Variants in PHACTR1 observed in about 807,000 individuals in gnomAD.
The protein encoded by PHACTR1 is RPEL repeat containing 1.
PHACTR1 carries 16 observed loss-of-function variants against 69.2 expected under a neutral mutation model. The ratio of observed to expected loss-of-function variants is 0.23; its 90% confidence interval spans 0.16 to 0.35. PHACTR1 has a LOEUF of 0.35. PHACTR1 is among the 10% of genes least tolerant of loss of function. The probability of loss-of-function intolerance (pLI) is 1.00; values close to 1 mark genes in which losing one functional copy is unlikely to be tolerated. For synonymous variants in PHACTR1, 312 were observed against 284.5 expected, an observed-to-expected ratio of 1.10 and a Z score of -0.97; for missense variants, 510 against 734.7, an observed-to-expected ratio of 0.69 and a Z score of 3.54.
chr6:13,169,514 G>A (rs1364109038), intron 6 of PHACTR1, among the ~76,000 whole-genome samples: 1 of 152,052 alleles, frequency 6.6e-6, no homozygotes, highest in Non-Finnish European at 1.5e-5. Context: ...TGTTTGGGGA[G>A]TAAAAAAATG....
At chr6:13,114,753 T>C (rs1817559134) in intron 5 of PHACTR1, among the ~76,000 whole-genome samples, 1 of 152,110 alleles carries the variant, frequency 6.6e-6, no homozygotes, top group Non-Finnish European at 1.5e-5. Flanking sequence ...CAGCATACAC[T>C]ACATGGGAGA....
chr6:12,741,650 A>G (rs1765061636), intron 3 of PHACTR1, among the ~76,000 whole-genome samples: 1 of 151,786 alleles, frequency 6.6e-6, no homozygotes, highest in Non-Finnish European at 1.5e-5. Flanking sequence ...CTATGTCTTT[A>G]TAATAAGTCT....
At chr6:13,205,703 C>A in intron 7 of PHACTR1, 112 bp from the exon 8 acceptor site, 1 of 1,027,558 alleles carries the variant, frequency 9.7e-7, no homozygotes, top group Non-Finnish European at 1.4e-6. Flanking sequence ...ACGCATTTTA[C>A]CTAAGAGGCT....
At chr6:13,161,916 A>C (rs565748563) in intron 6 of PHACTR1, among the ~76,000 whole-genome samples, 138 of 151,928 alleles carry the variant, frequency 9.1e-4, no homozygotes, top group Non-Finnish European at 1.6e-3. Flanking sequence ...CATTATCAGA[A>C]CCTCCTGGGG....
At chr6:13,042,331 C>G (rs1166244767) in intron 4 of PHACTR1, among the ~76,000 whole-genome samples, 1 of 152,166 alleles carries the variant, frequency 6.6e-6, no homozygotes, top group Admixed American at 6.5e-5. Context: ...GCAGGCAGCA[C>G]TGAAGTATGA....
intron 4 of PHACTR1, among the ~76,000 whole-genome samples, chr6:13,007,623 T>C (rs2127637845): frequency 6.6e-6 from 1 of 151,356 alleles, no homozygotes; most frequent in Non-Finnish European, 1.5e-5. Flanking sequence ...ACAACGATGA[T>C]ATTCACTCTG....
At chr6:13,085,936 A>C (rs913913031) in intron 5 of PHACTR1, among the ~76,000 whole-genome samples, 1 of 151,952 alleles carries the variant, frequency 6.6e-6, no homozygotes, top group East Asian at 1.9e-4. Context: ...AAAAGAAGAA[A>C]GATTGAAAAG....
intron 6 of PHACTR1, among the ~76,000 whole-genome samples, chr6:13,177,624 C>A (rs1043249066): frequency 7.2e-5 from 11 of 152,158 alleles, no homozygotes; most frequent in Admixed American, 6.5e-4. Flanking sequence ...TGTAATTGAA[C>A]AGAAGTTGAT....
intron 4 of PHACTR1, among the ~76,000 whole-genome samples, chr6:12,915,596 G>A (rs1786901140): frequency 6.6e-6 from 1 of 150,656 alleles, no homozygotes; most frequent in Non-Finnish European, 1.5e-5. Context: ...GGACATAGTA[G>A]AAGAGAAATG....
chr6:13,115,130 A>G (rs1428715101), intron 5 of PHACTR1, among the ~76,000 whole-genome samples: 1 of 152,216 alleles, frequency 6.6e-6, no homozygotes, highest in Non-Finnish European at 1.5e-5. Flanking sequence ...TTTATAGATA[A>G]GAGAACTGTA....
At chr6:12,747,944 C>G (rs909622056) in intron 3 of PHACTR1, among the ~76,000 whole-genome samples, 4 of 152,060 alleles carry the variant, frequency 2.6e-5, no homozygotes, top group African/African-American at 9.7e-5. Context: ...AATTAGAAAT[C>G]AGATTAGGGA....
At chr6:13,008,522 A>G (rs1258437662) in intron 4 of PHACTR1, among the ~76,000 whole-genome samples, 2 of 152,214 alleles carry the variant, frequency 1.3e-5, no homozygotes, top group African/African-American at 2.4e-5. Context: ...CAAATATGAG[A>G]CAGCCTGGAA....
Position 13,185,982 on chromosome 6 carries a change from CT to C in PHACTR1, c.664+3297del, listed in dbSNP as rs556627424. On this transcript the variant is annotated intron_variant, in intron 7 of 14. Transcript: ENST00000332995. The stretch of plus-strand genomic sequence containing the variant: ...CTATATTTCTCAACTCCGAGTTCAG[CT>C]AATGTTGTTTCCAGAGCAGGCTGTC... Among the ~76,000 whole-genome samples the C allele has an allele frequency of 4.7e-3, 721 of 152,262 alleles. 3 individuals are homozygous for C. Among genetic ancestry groups the C allele is most frequent in the African/African-American group, 0.016 (682 of 41,560 alleles).
intron 5 of PHACTR1, among the ~76,000 whole-genome samples, chr6:13,066,328 A>G (rs1289935088): frequency 6.6e-6 from 1 of 152,222 alleles, no homozygotes; most frequent in Non-Finnish European, 1.5e-5. Flanking sequence ...TCAGTAAGAC[A>G]GCCAGCCAGA....
intron 4 of PHACTR1, among the ~76,000 whole-genome samples, chr6:12,841,277 T>TAGAC (rs1028706759): frequency 6.6e-6 from 1 of 152,210 alleles, no homozygotes; most frequent in Non-Finnish European, 1.5e-5. Flanking sequence ...TTTCTTCCAT[T>TAGAC]AGACCAATGT....
At chr6:13,125,353 T>C (rs1319872490) in intron 5 of PHACTR1, among the ~76,000 whole-genome samples, 1 of 151,816 alleles carries the variant, frequency 6.6e-6, no homozygotes, top group East Asian at 1.9e-4. Flanking sequence ...TGGTAGTCTT[T>C]CTATTGCACT....
At chr6:13,150,781 T>C (rs1175367007) in intron 5 of PHACTR1, among the ~76,000 whole-genome samples, 1 of 152,234 alleles carries the variant, frequency 6.6e-6, no homozygotes, top group East Asian at 1.9e-4. Context: ...CTCTTTTATA[T>C]ATTGTTTATA....
At chr6:13,252,160 C>T (rs1224015268) in intron 10 of PHACTR1, among the ~76,000 whole-genome samples, 1 of 126,746 alleles carries the variant, frequency 7.9e-6, no homozygotes, top group Non-Finnish European at 1.7e-5. Context: ...CGCCTGAGCC[C>T]AGGGCAGATC....
intron 4 of PHACTR1, among the ~76,000 whole-genome samples, chr6:12,873,612 A>G (rs1406543115): frequency 1.3e-5 from 2 of 152,228 alleles, no homozygotes; most frequent in Non-Finnish European, 2.9e-5. Flanking sequence ...AAAAGGAGCA[A>G]TCAATTCTGG....
Sources: allele counts gnomAD v4.1 joint callset (sites outside exome capture counted in the v4.1 genomes callset), GRCh38; gene constraint gnomAD v4.1.1; transcripts MANE v1.5; gene names NCBI Gene and HGNC (gene_info 2026-07-23, HGNC 2026-07-21).